LBHD1: variants seen among roughly 807,000 people sequenced by gnomAD.
LBHD1 encodes the protein LBH domain containing 1.
A neutral mutation model predicts 31.1 loss-of-function variants in LBHD1; 28 were observed. The ratio of observed to expected loss-of-function variants is 0.90; its 90% CI spans 0.67 to 1.24. The LOEUF (loss-of-function observed/expected upper bound fraction) is 1.24. Among genes scored for constraint, LBHD1 ranks in the 50% most tolerant of loss-of-function variants. The pLI is 0.00. For synonymous variants in LBHD1, 105 were observed against 116.5 expected (o/e 0.90, Z 0.63); for missense variants, 350 against 323.0 (o/e 1.08, Z -0.64).
intron 4 of LBHD1, chr11:62,666,847 T>C (rs199630913): frequency 5.5e-5 from 88 of 1,613,674 alleles, no homozygotes; most frequent in Non-Finnish European, 7.1e-5. Flanking sequence ...CCCGGGGAGG[T>C]CTGCCTAGGG....
At position 62,669,934 on chromosome 11, in the gene LBHD1, G is replaced by A; in HGVS notation, c.98C>T (p.Pro33Leu). 1.2e-6 allele frequency: 2 copies of A among 1,614,222 alleles called. No homozygotes were observed. The highest frequency in any genetic ancestry group is 1.7e-6 in the Non-Finnish European group (2 of 1,180,056). The change falls in exon 2 of 7, where the codon CCT becomes CTT. Residue 33 changes from proline (P) to leucine (L), a missense_variant. Transcript: ENST00000354588. Reference protein sequence around the residue: ...QHPESPRLPNPLWDRGKIGKV... With the variant: ...QHPESPRLPNLLWDRGKIGKV... ...GCCAATTTTTCCTCTGTCCCAGAGA[G>A]GGTTGGGCAGCCTGGGACTTTCTGG...
chr11:62,672,065 A>G lies in LBHD1; in HGVS notation c.-512T>C, dbSNP rs760613205. The G allele has an allele frequency of 1.5e-5, 24 of 1,608,306 alleles. No homozygotes were observed. In the East Asian group the frequency reaches 5.1e-4, roughly 34 times the overall value. ...ACGCAGGAGAACGTGGCCTGGAGGA[A>G]GAACTGGATGGTTGGCGGCGAAGGC... On this transcript the variant is annotated 5_prime_UTR_variant, in exon 1 of 7. Coordinates refer to ENST00000354588, the MANE Select transcript of LBHD1 (RefSeq NM_024099.5).
rs74695446 is a variant in LBHD1, at chr11:62,667,957, A to G, written c.314-210T>C. On this transcript the variant is annotated intron_variant, in intron 3 of 6. Coordinates refer to ENST00000354588, the MANE Select transcript of LBHD1 (RefSeq NM_024099.5). ...GTGGCACAGGCATGTAGTTCCAACT[A>G]CTCAGGAGGCTGAGCTGGGAGGACT... 1,918 of 505,390 alleles carry G rather than the reference A, an allele frequency of 3.8e-3. 30 individuals are homozygous for G. Among genetic ancestry groups the G allele is most frequent in the African/African-American group, 0.032 (1,699 of 52,806 alleles). 31.3% of individuals were successfully genotyped at this position (505,390 alleles called of 1,614,324 possible).
At chr11:62,667,210 T>C (rs578174201) in intron 4 of LBHD1, 144 of 736,980 alleles carry the variant, frequency 2.0e-4, no homozygotes, top group Admixed American at 5.5e-4. Flanking sequence ...TTCCCCAGTT[T>C]ACTCATCTGC....
intron 5 of LBHD1, 100 bp downstream of exon 5, chr11:62,664,749 G>C (rs1944747975): frequency 3.5e-6 from 5 of 1,445,248 alleles, no homozygotes; most frequent in Non-Finnish European, 4.7e-6. Context: ...ATAAGCGTCA[G>C]TGCACAAGGT....
At position 62,667,538 on chromosome 11, in the gene LBHD1, G is replaced by A. The variant is rs1487622413; in HGVS notation, c.523C>T (p.Pro175Ser). The A allele has an allele frequency of 6.2e-7, 1 of 1,614,062 alleles. No homozygotes were observed. The highest frequency in any genetic ancestry group is 8.5e-7 in the Non-Finnish European group (1 of 1,180,012). Residue 175 changes from proline (P) to serine (S), a missense_variant, in exon 4 of 7, where the codon CCT becomes TCT. Transcript: ENST00000354588. ...CAATACTTACCCTCAAAGCTATTAG[G>A]AGGCAGGAGATGGGAATATTCCACA... The part of the protein sequence containing the change: ...GFVEYSHLLP[P>S]NSFEGAEEEA...
rs1378304676 is a variant in LBHD1 at position 62,671,814 on chromosome 11, G to C, written c.-261C>G. The C allele has an allele frequency of 6.2e-7, 1 of 1,614,020 alleles. No homozygotes were observed. Among genetic ancestry groups the C allele is most frequent in the Non-Finnish European group, 8.5e-7 (1 of 1,180,030 alleles). ...GCGCAGGGGCTGGCGTGGGCTACGC[G>C]CTCCTCGTTATCGTGACCCCGGGAG... On this transcript the variant is annotated 5_prime_UTR_variant, in exon 1 of 7. Transcript: ENST00000354588.
chr11:62,665,432 T>C, intron 4 of LBHD1: 1 of 1,541,656 alleles, frequency 6.5e-7, no homozygotes, highest in East Asian at 2.3e-5. Flanking sequence ...CCTCCTTTTC[T>C]TGGCGGGGAT....
intron 1 of LBHD1, 37 bp downstream of exon 1, chr11:62,671,527 C>T: frequency 7.1e-7 from 1 of 1,409,922 alleles, no homozygotes. Context: ...CCCTTGGTGC[C>T]AGCACTTCTT....
At chr11:62,664,385 CAGTG>C (rs1944736659) in intron 5 of LBHD1, among the ~76,000 whole-genome samples, 1 of 133,000 alleles carries the variant, frequency 7.5e-6, no homozygotes, top group East Asian at 2.3e-4. Flanking sequence ...GGCTGGAGTG[CAGTG>C]GCGTGATCTC....
At position 62,671,813 on chromosome 11, in the gene LBHD1, C is replaced by A; in HGVS notation, c.-260G>T. The A allele has an allele frequency of 6.2e-7, 1 of 1,614,126 alleles. No individual in the cohort carries two copies. Among genetic ancestry groups the A allele is most frequent in the South Asian group, 1.1e-5 (1 of 91,086 alleles). On this transcript the variant is annotated 5_prime_UTR_variant, in exon 1 of 7. Transcript: ENST00000354588. ...GGCGCAGGGGCTGGCGTGGGCTACG[C>A]GCTCCTCGTTATCGTGACCCCGGGA...
At position 62,672,149 on chromosome 11, in the gene LBHD1, C is replaced by T. The variant is rs1202074913; in HGVS notation, c.-596G>A. 3 of 1,541,814 alleles carry T rather than the reference C, an allele frequency of 1.9e-6. No homozygotes were observed. Among genetic ancestry groups the T allele is most frequent in the Non-Finnish European group, 2.6e-6 (3 of 1,145,474 alleles). On this transcript the variant is annotated 5_prime_UTR_variant, in exon 1 of 7. Coordinates refer to ENST00000354588, the MANE Select transcript of LBHD1 (RefSeq NM_024099.5). ...TGCCTCCGTGGGCGCCGGACCTTGG[C>T]TTGGGCGCAGGAATCCGAGGCAGCC...
intron 4 of LBHD1, chr11:62,666,607 C>T: frequency 1.2e-6 from 2 of 1,614,184 alleles, no homozygotes; most frequent in South Asian, 1.1e-5. Context: ...GTACAGGCCT[C>T]TACACCAAAT....
At chr11:62,671,084 A>T (rs1307967374) in intron 1 of LBHD1, 2 of 347,660 alleles carry the variant, frequency 5.8e-6, no homozygotes, top group Non-Finnish European at 1.1e-5. Flanking sequence ...TGGGCGACAG[A>T]GCGAGACCTT....
intron 4 of LBHD1, chr11:62,665,217 G>T: frequency 2.5e-6 from 2 of 785,418 alleles, no homozygotes; most frequent in South Asian, 2.9e-5. Flanking sequence ...GCTCAGCGCC[G>T]GATCCGCGGG....
At chr11:62,665,574 A>G (rs1480576381) in intron 4 of LBHD1, 2 of 1,566,262 alleles carry the variant, frequency 1.3e-6, no homozygotes, top group Non-Finnish European at 1.7e-6. Flanking sequence ...GACACCGGGA[A>G]TCTCGGAGAA....
chr11:62,662,895 C>T lies in LBHD1; in HGVS notation c.*234G>A, dbSNP rs547669457. The T allele has an allele frequency of 1.6e-6, 1 of 617,134 alleles. No individual in the cohort carries two copies. Among genetic ancestry groups the T allele is most frequent in the South Asian group, 2.1e-5 (1 of 48,500 alleles). The allele number at this position is 617,134 out of a possible 1,614,324, so 38.2% of individuals were successfully genotyped here. ...TCCAATCTTTCTTCTGTACCTTCTT[C>T]CCTCCCAAAGACATCCCTCTAGGGG... On this transcript the variant is annotated 3_prime_UTR_variant, in exon 7 of 7. Transcript: ENST00000354588.
At chr11:62,671,303 G>T (rs751645675) in intron 1 of LBHD1, 14 of 682,980 alleles carry the variant, frequency 2.0e-5, no homozygotes, top group Non-Finnish European at 3.2e-5. Flanking sequence ...GATGGAGAGG[G>T]ATGTGTATGT....
intron 4 of LBHD1, chr11:62,665,281 C>A: frequency 1.4e-6 from 1 of 737,340 alleles, no homozygotes; most frequent in Non-Finnish European, 2.3e-6. Flanking sequence ...GGTCCTCGGG[C>A]TATATAAAGG....
Sources: allele counts gnomAD v4.1 joint callset (sites outside exome capture counted in the v4.1 genomes callset), GRCh38; gene constraint gnomAD v4.1.1; transcripts MANE v1.5; gene names NCBI Gene and HGNC (gene_info 2026-07-23, HGNC 2026-07-21).